KCNH1: variants seen among roughly 807,000 people sequenced by gnomAD.
The protein encoded by KCNH1 is potassium voltage-gated channel subfamily H member 1, also known as voltage-gated delayed rectifier potassium channel KCNH1.
A neutral mutation model predicts 69.2 loss-of-function variants in KCNH1; 27 were observed. That is an observed-to-expected ratio of 0.39 (90% confidence interval 0.29 to 0.54). KCNH1 has a LOEUF of 0.54. Ranked by LOEUF, KCNH1 falls within the 20% of genes least tolerant of loss-of-function variation. The pLI, the probability that KCNH1 is intolerant of heterozygous loss-of-function variation, is 0.68. For synonymous variants in KCNH1, 456 were observed against 487.7 expected (o/e 0.93, Z 0.86); for missense variants, 798 against 1,261.6 (o/e 0.63, Z 5.57).
intron 5 of KCNH1, among the ~76,000 whole-genome samples, chr1:211,057,862 G>A (rs185892916): frequency 6.4e-4 from 98 of 152,192 alleles, no homozygotes; most frequent in African/African-American, 2.2e-3. Flanking sequence ...TCAAGTACAG[G>A]AAAGTTACAG....
intron 5 of KCNH1, among the ~76,000 whole-genome samples, chr1:211,029,594 A>G (rs751623619): frequency 1.3e-5 from 2 of 152,108 alleles, no homozygotes; most frequent in Non-Finnish European, 2.9e-5. Flanking sequence ...TACAGCTAAC[A>G]TTACTCTTAA....
At chr1:210,950,942 C>A (rs1688052636) in intron 6 of KCNH1, among the ~76,000 whole-genome samples, 2 of 152,100 alleles carry the variant, frequency 1.3e-5, no homozygotes, top group Admixed American at 1.3e-4. Context: ...AACTTACCTT[C>A]TAGTGGGAGA....
intron 7 of KCNH1, among the ~76,000 whole-genome samples, chr1:210,912,406 T>G (rs1324872982): frequency 6.6e-6 from 1 of 152,144 alleles, no homozygotes; most frequent in East Asian, 1.9e-4. Flanking sequence ...TTTTTTTTTC[T>G]AAAAAGCTTT....
At chr1:210,978,158 C>A (rs566614980) in intron 6 of KCNH1, among the ~76,000 whole-genome samples, 108 of 152,030 alleles carry the variant, frequency 7.1e-4, no homozygotes, top group African/African-American at 2.5e-3. Flanking sequence ...CCTGTCTCAG[C>A]CTCCCGAGTA....
intron 7 of KCNH1, among the ~76,000 whole-genome samples, chr1:210,877,841 T>C (rs930863134): frequency 8.5e-5 from 13 of 152,192 alleles, no homozygotes; most frequent in Non-Finnish European, 1.9e-4. Flanking sequence ...TGATACCACC[T>C]GATACATAGG....
intron 9 of KCNH1, among the ~76,000 whole-genome samples, chr1:210,783,032 C>T (rs981871262): frequency 6.6e-6 from 1 of 152,234 alleles, no homozygotes; most frequent in Non-Finnish European, 1.5e-5. Context: ...CAACAGATAA[C>T]TTAGCACCAT....
intron 7 of KCNH1, among the ~76,000 whole-genome samples, chr1:210,877,990 T>G (rs984849779): frequency 1.3e-5 from 2 of 152,144 alleles, no homozygotes; most frequent in Non-Finnish European, 2.9e-5. Context: ...GTATATGAAT[T>G]CAATATTATA....
intron 4 of KCNH1, among the ~76,000 whole-genome samples, chr1:211,087,635 A>ACACG (rs1186122353): frequency 3.4e-5 from 1 of 29,238 alleles, no homozygotes; most frequent in African/African-American, 1.0e-4. Flanking sequence ...ACACACACAC[A>ACACG]CACGCACACA....
intron 6 of KCNH1, among the ~76,000 whole-genome samples, chr1:210,993,207 C>T (rs889399192): frequency 6.6e-6 from 1 of 152,150 alleles, no homozygotes; most frequent in Non-Finnish European, 1.5e-5. Flanking sequence ...TAACAAATAA[C>T]ATGTCATTAA....
At chr1:211,030,315 C>A (rs190460099) in intron 5 of KCNH1, among the ~76,000 whole-genome samples, 1 of 152,248 alleles carries the variant, frequency 6.6e-6, no homozygotes, top group African/African-American at 2.4e-5. Flanking sequence ...TTCAATAAAG[C>A]TGTTTTTAAA....
intron 6 of KCNH1, among the ~76,000 whole-genome samples, chr1:210,962,663 G>A (rs974616772): frequency 2.6e-5 from 4 of 151,834 alleles, no homozygotes; most frequent in Admixed American, 2.6e-4. Context: ...TATTGATGGA[G>A]ATCTGGGTTG....
At chr1:210,972,618 C>T (rs1688530860) in intron 6 of KCNH1, among the ~76,000 whole-genome samples, 1 of 152,110 alleles carries the variant, frequency 6.6e-6, no homozygotes, top group Non-Finnish European at 1.5e-5. Flanking sequence ...TTTAAAAATT[C>T]ATTTCTCATT....
At chr1:210,929,443 T>C (rs1011993552) in intron 6 of KCNH1, among the ~76,000 whole-genome samples, 2 of 152,094 alleles carry the variant, frequency 1.3e-5, no homozygotes, top group African/African-American at 4.8e-5. Flanking sequence ...ATTATCTCAA[T>C]AGACACAGAA....
intron 10 of KCNH1, among the ~76,000 whole-genome samples, chr1:210,761,238 C>T (rs1289154272): frequency 3.1e-5 from 3 of 97,674 alleles, no homozygotes; most frequent in African/African-American, 4.0e-5. Flanking sequence ...GGCGACAGAG[C>T]GAGACTCCGT....
chr1:210,759,493 AAAAATTCACGGCAGGAATTTC>A (rs1345561255), intron 10 of KCNH1, among the ~76,000 whole-genome samples: 1 of 152,168 alleles, frequency 6.6e-6, no homozygotes, highest in African/African-American at 2.4e-5. Context: ...TCTGGAATTG[AAAAATTCACGGCAGGAATTTC>A]AAAATATAGT....
chr1:211,044,314 C>A (rs923755033), intron 5 of KCNH1, among the ~76,000 whole-genome samples: 1 of 151,998 alleles, frequency 6.6e-6, no homozygotes, highest in East Asian at 1.9e-4. Context: ...AGTGGAGAAC[C>A]AAATCAAGAA....
At chr1:210,775,649 C>A in intron 9 of KCNH1, 105 bp from the exon 10 acceptor site, 3 of 765,092 alleles carry the variant, frequency 3.9e-6, no homozygotes, top group Non-Finnish European at 6.5e-6. Flanking sequence ...CAGCATTCTG[C>A]AGATTGGGCT....
chr1:210,834,430 A>G (rs536800807), intron 7 of KCNH1, among the ~76,000 whole-genome samples: 39 of 139,590 alleles, frequency 2.8e-4, no homozygotes, highest in African/African-American at 1.0e-3. Flanking sequence ...AAACTATCGC[A>G]AGAACAAAAA....
intron 7 of KCNH1, among the ~76,000 whole-genome samples, chr1:210,852,803 G>T (rs1364556434): frequency 3.3e-5 from 5 of 152,140 alleles, no homozygotes; most frequent in Non-Finnish European, 7.4e-5. Flanking sequence ...TACTAATCAA[G>T]AAAAGATGTT....
Sources: allele counts gnomAD v4.1 joint callset (sites outside exome capture counted in the v4.1 genomes callset), GRCh38; gene constraint gnomAD v4.1.1; transcripts MANE v1.5; gene names NCBI Gene and HGNC (gene_info 2026-07-23, HGNC 2026-07-21).